The following FRYL variants were observed in gnomAD, a reference collection of about 807,000 sequenced individuals.
FRYL encodes FRY like transcription coactivator.
In FRYL, 150 loss-of-function variants were observed where a neutral mutation model predicts 351.2. The ratio of observed to expected loss-of-function variants is 0.43; its 90% CI spans 0.37 to 0.49. The LOEUF is 0.49. Ranked by LOEUF, FRYL falls within the 20% of genes least tolerant of loss-of-function variation. FRYL has a pLI of 0.00. For missense variants in FRYL, 3,036 were observed against 3,619.3 expected, an observed-to-expected ratio of 0.84 and a Z score of 4.13; for synonymous variants, 1,153 against 1,257.1, an observed-to-expected ratio of 0.92 and a Z score of 1.75.
At chr4:48,589,169 T>C (rs1057211188) in intron 18 of FRYL, among the ~76,000 whole-genome samples, 2 of 152,072 alleles carry the variant, frequency 1.3e-5, no homozygotes, top group Non-Finnish European at 2.9e-5. Context: ...TTCTAGCAAA[T>C]AAAGTAAGCT....
Position 48,522,953 on chromosome 4 carries a change from G to C in FRYL, c.7469C>G (p.Ser2490Trp), listed in dbSNP as rs1400078778. ...TGCTGTAAGTGCCGCTTCTTCTTCC[G>C]AGGACTCATCTGTATCCTCCTGATT... ...LTNQEDTDES[S>W]EEEAALTASQ... The change falls in exon 54 of 64, where the codon TCG (serine) becomes TGG (tryptophan). Residue 2490 changes from serine to tryptophan, a missense_variant. This residue lies in a region of FRYL where 1,987 missense variants were observed against 2,311.7 expected (regional missense o/e 0.86). Transcript: ENST00000358350. 2.5e-6 allele frequency: 4 copies of C among 1,613,980 alleles called. No individual in the cohort carries two copies.
At chr4:48,643,910 A>G (rs890356288) in intron 3 of FRYL, among the ~76,000 whole-genome samples, 1 of 152,194 alleles carries the variant, frequency 6.6e-6, no homozygotes, top group African/African-American at 2.4e-5. Context: ...GTCAATTTTC[A>G]TAAAATTAAT....
chr4:48,727,311 A>AAAC (rs561528768), intron 1 of FRYL: 1 of 152,196 alleles, frequency 6.6e-6, no homozygotes, highest in Admixed American at 6.5e-5. Flanking sequence ...CAAATTGAAA[A>AAAC]AACAACAACA....
At chr4:48,558,901 C>T (rs2149037984) in intron 33 of FRYL, among the ~76,000 whole-genome samples, 1 of 152,266 alleles carries the variant, frequency 6.6e-6, no homozygotes, top group East Asian at 1.9e-4. Context: ...AAACAAAAAT[C>T]TTCTTTCTCC....
In FRYL at chr4:48,640,390, T is replaced by C. The variant is rs374417855; in HGVS notation, c.-80-5900A>G. 1.4e-3 allele frequency among the ~76,000 whole-genome samples: 215 copies of C among 152,236 alleles called. 1 individual carries two copies. Among genetic ancestry groups the C allele is most frequent in the African/African-American group, 4.6e-3 (191 of 41,540 alleles). On this transcript the variant is annotated intron_variant, in intron 3 of 63. Transcript: ENST00000358350. ...GGAATCTTAAGTGTGTATTTCTAAG[T>C]GAAAGAAGCCAATCTAAAAAGGCTA... is the stretch of plus-strand genomic sequence containing the variant.
At chr4:48,530,436 C>T (rs1481832475) in intron 50 of FRYL, among the ~76,000 whole-genome samples, 2 of 152,162 alleles carry the variant, frequency 1.3e-5, no homozygotes, top group African/African-American at 4.8e-5. Flanking sequence ...CTCCTCCCTG[C>T]TCTATTTTCT....
intron 3 of FRYL, among the ~76,000 whole-genome samples, chr4:48,652,988 T>C (rs990286859): frequency 6.6e-6 from 1 of 152,206 alleles, no homozygotes; most frequent in African/African-American, 2.4e-5. Context: ...TTTGATATTG[T>C]ATTATGATAC....
chr4:48,582,027 G>A (rs1384738695), intron 20 of FRYL, among the ~76,000 whole-genome samples: 1 of 152,176 alleles, frequency 6.6e-6, no homozygotes, highest in Non-Finnish European at 1.5e-5. Context: ...TGAGAAGCTA[G>A]GGTGGCTTCA....
At chr4:48,776,175 T>G (rs1393319762) in intron 1 of FRYL, among the ~76,000 whole-genome samples, 1 of 148,444 alleles carries the variant, frequency 6.7e-6, no homozygotes, top group Non-Finnish European at 1.5e-5. Flanking sequence ...TTAAATAGAG[T>G]CAGAGTCTCC....
intron 3 of FRYL, among the ~76,000 whole-genome samples, chr4:48,667,547 A>C (rs760615456): frequency 6.6e-6 from 1 of 152,172 alleles, no homozygotes; most frequent in Non-Finnish European, 1.5e-5. Context: ...ATCTCAAATC[A>C]AATTAATAAA....
chr4:48,678,423 C>G (rs1164846951), intron 3 of FRYL, among the ~76,000 whole-genome samples: 5 of 146,422 alleles, frequency 3.4e-5, no homozygotes, highest in Non-Finnish European at 7.4e-5. Context: ...GCAGGAGAAT[C>G]GCTTGAACAA....
In FRYL at chr4:48,510,101, T is replaced by G; in HGVS notation, c.8352A>C (p.Glu2784Asp). 1 of 1,613,696 alleles carries G rather than the reference T, an allele frequency of 6.2e-7. No homozygotes were observed. Among genetic ancestry groups the G allele is most frequent in the African/African-American group, 1.3e-5 (1 of 75,022 alleles). ...TLKFGVLELQ[E>D]HLDTYNVKRE... ...TTTTCACATTGTATGTATCCAGGTG[T>G]TCTTGCAACTCCAAAACACCAAACT... Residue 2784 changes from glutamate to aspartate, a missense_variant, in exon 59 of 64, where the codon GAA becomes GAC. Around this residue, in one of 7 missense-constraint regions of FRYL, gnomAD observed 1,987 missense variants for 2,311.7 expected, o/e 0.86. Coordinates refer to ENST00000358350, the MANE Select transcript of FRYL (RefSeq NM_015030.2).
In FRYL at chr4:48,549,327, C is replaced by G; in HGVS notation, c.4784+146G>C. 1 of 504,430 alleles carries G rather than the reference C, an allele frequency of 2.0e-6. No individual in the cohort carries two copies. Among genetic ancestry groups the G allele is most frequent in the Non-Finnish European group, 3.2e-6 (1 of 310,420 alleles). The allele number at this position is 504,430 out of a possible 1,614,324, so 31.2% of individuals were successfully genotyped here. ...TTAGAATTCTGAGTTTTTTAGATTT[C>G]TTAGAATCTAAACACATTGATCTGT... is the stretch of plus-strand genomic sequence containing the variant. On this transcript the variant is annotated intron_variant, in intron 39 of 63. Transcript: ENST00000358350. The surrounding 1 kb of genome is among the most constrained non-coding windows in gnomAD (Gnocchi z 4.2).
chr4:48,676,324 A>C (rs1330305919), intron 3 of FRYL, among the ~76,000 whole-genome samples: 1 of 152,192 alleles, frequency 6.6e-6, no homozygotes, highest in Non-Finnish European at 1.5e-5. Flanking sequence ...CTCCTGAGCC[A>C]GTGAGACCAC....
chr4:48,728,747 G>T (rs1446238020), intron 1 of FRYL, among the ~76,000 whole-genome samples: 1 of 152,062 alleles, frequency 6.6e-6, no homozygotes, highest in East Asian at 1.9e-4. Context: ...AAGAAGAGAG[G>T]GTTGCTTCCA....
intron 13 of FRYL, among the ~76,000 whole-genome samples, chr4:48,596,867 T>G (rs1242666442): frequency 2.0e-5 from 3 of 152,088 alleles, no homozygotes; most frequent in African/African-American, 7.2e-5. Context: ...TTTTTTTTTT[T>G]TACGGAGAAA....
At chr4:48,767,084 C>T (rs1339048680) in intron 1 of FRYL, among the ~76,000 whole-genome samples, 3 of 150,892 alleles carry the variant, frequency 2.0e-5, no homozygotes, top group Admixed American at 1.3e-4. Flanking sequence ...TCTCACACTG[C>T]TAGAAGACAT....
intron 1 of FRYL, among the ~76,000 whole-genome samples, chr4:48,715,659 G>C (rs1418581071): frequency 6.6e-6 from 1 of 151,926 alleles, no homozygotes; most frequent in Non-Finnish European, 1.5e-5. Flanking sequence ...CCATGCTCAT[G>C]GGTAGGAAGA....
At position 48,580,988 on chromosome 4, in the gene FRYL, A is replaced by G. The variant is rs372121875; in HGVS notation, c.2173-37T>C. On this transcript the variant is annotated intron_variant, in intron 21 of 63. Transcript: ENST00000358350. ...ACATCATATGTCTAAAAAAATTAGGAATGTTTAAGCAAAGTAGCCAAACCC... is the reference window on the plus strand; with the variant it reads ...ACATCATATGTCTAAAAAAATTAGGGATGTTTAAGCAAAGTAGCCAAACCC... 8 of 1,405,744 alleles carry G rather than the reference A, an allele frequency of 5.7e-6. No homozygotes were observed. In the South Asian group the frequency reaches 6.5e-5, roughly 11 times the overall value. 87.1% of individuals were successfully genotyped at this position (1,405,744 alleles called of 1,614,324 possible). A position where few individuals can be genotyped will look rare whatever the true frequency, so the allele number is the denominator to read the frequency against.
Sources: gnomAD v4.1 joint callset for allele counts (sites outside exome capture counted in the v4.1 genomes callset) on GRCh38, gnomAD v4.1.1 for gene constraint, gnomAD v4.1.1 regional missense constraint, Gnocchi (gnomAD v3.1) non-coding constraint, MANE v1.5 for transcripts, NCBI Gene and HGNC (gene_info 2026-07-23, HGNC 2026-07-21) for gene names.